The following NMU variants were observed in gnomAD, a reference collection of about 807,000 sequenced individuals.
NMU encodes neuromedin-U.
In NMU, 29 loss-of-function variants were observed where a neutral mutation model predicts 35.4. The observed-to-expected ratio is 0.82, with a 90% CI of 0.61 to 1.12. The LOEUF (loss-of-function observed/expected upper bound fraction) is 1.12. NMU is among the 50% of genes most tolerant of loss of function. The pLI is 0.00. For missense variants in NMU, 199 were observed against 206.2 expected, an observed-to-expected ratio of 0.97 and a Z score of 0.21; for synonymous variants, 78 against 81.3, an observed-to-expected ratio of 0.96 and a Z score of 0.22.
rs545276566 is a variant in NMU, at chr4:55,628,968, TATA to T, written c.171+1431_171+1433del. On this transcript the variant is annotated intron_variant, in intron 2 of 9. Coordinates refer to ENST00000264218, the MANE Select transcript of NMU (RefSeq NM_006681.4). ...TAGCTATAGCTTATACATTTTGAGT[TATA>T]ATGTTTTTATTTTTTTCCCTGAAGG... is the stretch of plus-strand genomic sequence containing the variant. Among the ~76,000 whole-genome samples the T allele has an allele frequency of 2.2e-4, 34 of 152,342 alleles. No homozygotes were observed. The East Asian group carries it at 5.0e-3, about 22-fold the overall frequency.
intron 1 of NMU, among the ~76,000 whole-genome samples, chr4:55,632,172 G>A (rs893574277): frequency 6.6e-6 from 1 of 151,984 alleles, no homozygotes; most frequent in African/African-American, 2.4e-5. Context: ...CTAGGAGGGG[G>A]TTGGGGGATA....
At chr4:55,597,834 C>G (rs1470606318) in intron 9 of NMU, among the ~76,000 whole-genome samples, 1 of 152,050 alleles carries the variant, frequency 6.6e-6, no homozygotes, top group Non-Finnish European at 1.5e-5. Flanking sequence ...GCAAAGTACT[C>G]TTTCATGATT....
At chr4:55,598,901 T>C (rs1418632493) in intron 9 of NMU, among the ~76,000 whole-genome samples, 1 of 152,154 alleles carries the variant, frequency 6.6e-6, no homozygotes, top group East Asian at 1.9e-4. Flanking sequence ...ATAAATGACA[T>C]AGGCAAAGCA....
At chr4:55,595,855 G>A (rs1465504570) in intron 9 of NMU, among the ~76,000 whole-genome samples, 1 of 151,706 alleles carries the variant, frequency 6.6e-6, no homozygotes, top group Non-Finnish European at 1.5e-5. Flanking sequence ...TGGTCAGGCT[G>A]GTCTCAAATT....
intron 2 of NMU, among the ~76,000 whole-genome samples, chr4:55,628,698 C>T (rs1244786754): frequency 6.6e-6 from 1 of 151,980 alleles, no homozygotes; most frequent in East Asian, 1.9e-4. Flanking sequence ...CTATGTTGGC[C>T]GGGCTGGTCT....
rs1455093416 is a variant in NMU at position 55,609,970 on chromosome 4, T to TA, written c.220-792dup. Among the ~76,000 whole-genome samples the TA allele has an allele frequency of 2.0e-5, 3 of 152,350 alleles. No homozygotes were observed. The East Asian group carries it at 5.8e-4, about 29-fold the overall frequency. On this transcript the variant is annotated intron_variant, in intron 3 of 9. Transcript: ENST00000264218. ...ATGAGCTATGGAGTTGGGAAGCCTG[T>TA]AACTCTATCGCAGTGCAAATTCCAT...
chr4:55,602,066 C>G (rs868840177), intron 7 of NMU, among the ~76,000 whole-genome samples: 1 of 151,812 alleles, frequency 6.6e-6, no homozygotes, highest in South Asian at 2.1e-4. Flanking sequence ...AACTAAAAGG[C>G]CAGACAAAAT....
At position 55,620,012 on chromosome 4, in the gene NMU, T is replaced by G. The variant is rs1577956610; in HGVS notation, c.172-3627A>C. 2.7e-5 allele frequency among the ~76,000 whole-genome samples: 4 copies of G among 149,434 alleles called. No individual in the cohort carries two copies. The South Asian group carries it at 8.8e-4, about 33-fold the overall frequency. ...AGGACATCCACACCGAAAACCCATC[T>G]GTATATCACCATCATCAAAGACCAA... On this transcript the variant is annotated intron_variant, in intron 2 of 9. Coordinates refer to ENST00000264218, the MANE Select transcript of NMU (RefSeq NM_006681.4).
intron 9 of NMU, among the ~76,000 whole-genome samples, chr4:55,598,195 G>A (rs1038188110): frequency 2.1e-5 from 3 of 146,332 alleles, no homozygotes; most frequent in African/African-American, 5.0e-5. Context: ...GGGCTCAAGC[G>A]ATCCTCCCAT....
Position 55,603,615 on chromosome 4 carries a change from T to G in NMU, c.435+1660A>C, listed in dbSNP as rs903273740. Among the ~76,000 whole-genome samples, 5 of 151,778 alleles carry G rather than the reference T, an allele frequency of 3.3e-5. 1 individual carries two copies. The South Asian group carries it at 1.0e-3, about 32-fold the overall frequency. The stretch of plus-strand genomic sequence containing the variant: ...TATTACAGCAAGGGAAGGCATTACT[T>G]AAAAATAATCCTAGAGGCCGGGCGC... On this transcript the variant is annotated intron_variant, in intron 7 of 9. Coordinates refer to ENST00000264218, the MANE Select transcript of NMU (RefSeq NM_006681.4).
rs147934985 is a variant in NMU at position 55,610,205 on chromosome 4, G to A, written c.220-1026C>T. 7.4e-3 allele frequency among the ~76,000 whole-genome samples: 1,125 copies of A among 152,292 alleles called. 7 individuals are homozygous for A. The highest frequency in any genetic ancestry group is 0.01 in the Non-Finnish European group (685 of 68,022). On this transcript the variant is annotated intron_variant, in intron 3 of 9. Transcript: ENST00000264218. ...AGGTCGGGTGCAGGGGCTCACGCCT[G>A]TAATGCCAGCACTTTGGGAGGCTGA... is the stretch of plus-strand genomic sequence containing the variant.
At chr4:55,604,479 AAAAC>A (rs1374035046) in intron 7 of NMU, among the ~76,000 whole-genome samples, 1 of 151,790 alleles carries the variant, frequency 6.6e-6, no homozygotes, top group Non-Finnish European at 1.5e-5. Flanking sequence ...TTTGTTGAAA[AAAAC>A]AAAGTATATA....
intron 4 of NMU, among the ~76,000 whole-genome samples, chr4:55,607,673 G>A (rs1247411856): frequency 6.6e-6 from 1 of 152,076 alleles, no homozygotes; most frequent in Non-Finnish European, 1.5e-5. Context: ...ATAAAGATGT[G>A]CATAAAGATC....
intron 8 of NMU, among the ~76,000 whole-genome samples, chr4:55,599,694 CA>C (rs1733347575): frequency 1.2e-4 from 18 of 152,154 alleles, no homozygotes; most frequent in Admixed American, 1.2e-3. Context: ...AATATTTCAT[CA>C]ACCGATTCCC....
At chr4:55,635,498 T>C (rs1215514594) in intron 1 of NMU, among the ~76,000 whole-genome samples, 1 of 152,172 alleles carries the variant, frequency 6.6e-6, no homozygotes, top group Non-Finnish European at 1.5e-5. Flanking sequence ...CCTGATCTAG[T>C]GCCTGAAAAC....
intron 7 of NMU, among the ~76,000 whole-genome samples, chr4:55,604,193 G>A (rs1419473005): frequency 1.3e-5 from 2 of 149,414 alleles, no homozygotes; most frequent in African/African-American, 5.0e-5. Context: ...AGCCTCCCGA[G>A]TAGCTGGGAT....
chr4:55,598,480 C>A (rs1163781486), intron 9 of NMU, among the ~76,000 whole-genome samples: 2 of 152,220 alleles, frequency 1.3e-5, no homozygotes, highest in East Asian at 3.9e-4. Flanking sequence ...ATTTATGAAT[C>A]TGCATTTGGG....
intron 1 of NMU, 149 bp downstream of exon 1, chr4:55,635,932 G>C: frequency 7.1e-7 from 1 of 1,415,316 alleles, no homozygotes. Context: ...CCTGTGCCTG[G>C]GAGGCGGGAA....
chr4:55,631,000 G>T (rs1307902072), intron 1 of NMU, among the ~76,000 whole-genome samples: 1 of 152,070 alleles, frequency 6.6e-6, no homozygotes, highest in Admixed American at 6.6e-5. Flanking sequence ...TAACGGAAAA[G>T]AATAGAGAAC....
Sources: allele counts gnomAD v4.1 joint callset (sites outside exome capture counted in the v4.1 genomes callset), GRCh38; gene constraint gnomAD v4.1.1; transcripts MANE v1.5; gene names NCBI Gene and HGNC (gene_info 2026-07-23, HGNC 2026-07-21).